Variants in BANK1 observed in about 807,000 individuals in gnomAD.
The protein encoded by BANK1 is B-cell scaffold protein with ankyrin repeats.
BANK1 carries 95 observed loss-of-function variants against 94.5 expected under a neutral mutation model. The ratio of observed to expected loss-of-function variants is 1.00; its 90% CI spans 0.85 to 1.19. The LOEUF (loss-of-function observed/expected upper bound fraction) is 1.19, where lower values mean the gene tolerates loss of function less well. BANK1 is among the 50% of genes most tolerant of loss of function. BANK1 has a pLI of 0.00. For missense variants in BANK1, 987 were observed against 932.2 expected, an observed-to-expected ratio of 1.06 and a Z score of -0.77; for synonymous variants, 334 against 308.4, an observed-to-expected ratio of 1.08 and a Z score of -0.87.
chr4:102,031,900 T>G (rs2148951407), intron 10 of BANK1, among the ~76,000 whole-genome samples: 1 of 152,360 alleles, frequency 6.6e-6, no homozygotes. Context: ...AAAATACACT[T>G]ATTTAATGAT....
chr4:102,061,538 G>T (rs538174324), intron 12 of BANK1: 1 of 152,330 alleles, frequency 6.6e-6, no homozygotes, highest in South Asian at 2.1e-4. Flanking sequence ...ATACACATGT[G>T]TTTAGGTGCA....
intron 7 of BANK1, among the ~76,000 whole-genome samples, chr4:102,015,760 A>G (rs1726677275): frequency 6.6e-6 from 1 of 152,114 alleles, no homozygotes; most frequent in Non-Finnish European, 1.5e-5. Flanking sequence ...GTTATTTCTT[A>G]TATTTGCATT....
chr4:102,006,214 A>G (rs1046733786), intron 7 of BANK1, among the ~76,000 whole-genome samples: 3 of 152,060 alleles, frequency 2.0e-5, no homozygotes, highest in African/African-American at 7.2e-5. Context: ...GTTCATCATC[A>G]GTCATCAGGA....
At chr4:101,892,804 A>G (rs1423289613) in intron 5 of BANK1, among the ~76,000 whole-genome samples, 1 of 151,966 alleles carries the variant, frequency 6.6e-6, no homozygotes, top group African/African-American at 2.4e-5. Context: ...AATTTATGTC[A>G]TTTTAAAATT....
intron 2 of BANK1, among the ~76,000 whole-genome samples, chr4:101,847,904 C>CA (rs1413533303): frequency 6.6e-6 from 1 of 152,128 alleles, no homozygotes; most frequent in Non-Finnish European, 1.5e-5. Flanking sequence ...CAAATTGTTA[C>CA]AAAGTTCAGC....
intron 1 of BANK1, among the ~76,000 whole-genome samples, chr4:101,826,659 A>G (rs1399216809): frequency 6.6e-6 from 1 of 151,998 alleles, no homozygotes; most frequent in East Asian, 1.9e-4. Flanking sequence ...CATCCAGGCT[A>G]GATGAGATAC....
At chr4:101,933,318 A>G (rs1723421400) in intron 7 of BANK1, among the ~76,000 whole-genome samples, 1 of 151,128 alleles carries the variant, frequency 6.6e-6, no homozygotes, top group East Asian at 2.0e-4. Context: ...AGGAGAAAAA[A>G]AAAAAAAAAA....
intron 5 of BANK1, among the ~76,000 whole-genome samples, chr4:101,875,132 G>A (rs1728439624): frequency 6.6e-6 from 1 of 152,136 alleles, no homozygotes; most frequent in African/African-American, 2.4e-5. Context: ...CACTGAAAGA[G>A]GCACTGAAGA....
chr4:101,979,115 AT>A (rs1239176405), intron 7 of BANK1, among the ~76,000 whole-genome samples: 1 of 152,034 alleles, frequency 6.6e-6, no homozygotes, highest in African/African-American at 2.4e-5. Flanking sequence ...AAGATCCAAT[AT>A]ACCTGTGAAA....
intron 2 of BANK1, among the ~76,000 whole-genome samples, chr4:101,850,438 AT>A (rs33966973): frequency 0.11 from 15,844 of 143,242 alleles, 1,395 homozygotes; most frequent in African/African-American, 0.25. Flanking sequence ...CACCCAACTA[AT>A]TTTTTTTTTT....
At chr4:101,982,755 C>T (rs189536952) in intron 7 of BANK1, among the ~76,000 whole-genome samples, 1 of 151,966 alleles carries the variant, frequency 6.6e-6, no homozygotes, top group East Asian at 1.9e-4. Flanking sequence ...TATCATATTT[C>T]ATTCCATTGA....
In BANK1 at chr4:101,917,596, A is replaced by G. The variant is rs1722869425; in HGVS notation, c.1010-397A>G. ...AACTTTGGAAGGAAGCAAACTAGGC[A>G]AGGAGGTAGAATATAAAATTATTTT... On this transcript the variant is annotated intron_variant, in intron 6 of 16. Transcript: ENST00000322953. 2.6e-5 allele frequency among the ~76,000 whole-genome samples: 4 copies of G among 151,942 alleles called. No homozygotes were observed. The South Asian group carries it at 8.3e-4, about 31-fold the overall frequency.
At chr4:101,922,009 CGTGTGTGTGTGTGTGTGTGTGTGTGTGT>C (rs68027862) in intron 7 of BANK1, among the ~76,000 whole-genome samples, 11 of 129,366 alleles carry the variant, frequency 8.5e-5, no homozygotes, top group Admixed American at 7.8e-4. Context: ...ACACTGGGCC[CGTGTGTGTGTGTGTGTGTGTGTGTGTGT>C]GTGTGTGTGT....
intron 1 of BANK1, among the ~76,000 whole-genome samples, chr4:101,798,757 T>G (rs972369672): frequency 6.6e-6 from 1 of 152,232 alleles, no homozygotes; most frequent in African/African-American, 2.4e-5. Context: ...CATAAATGTA[T>G]TCTTTTGAGA....
At chr4:101,878,027 A>G (rs1297270045) in intron 5 of BANK1, among the ~76,000 whole-genome samples, 3 of 152,234 alleles carry the variant, frequency 2.0e-5, no homozygotes, top group African/African-American at 7.2e-5. Flanking sequence ...GAAGAGAGAC[A>G]AAAAGAAAGA....
At chr4:101,824,916 G>A (rs941312018) in intron 1 of BANK1, among the ~76,000 whole-genome samples, 5 of 152,058 alleles carry the variant, frequency 3.3e-5, no homozygotes, top group African/African-American at 1.2e-4. Flanking sequence ...TCTGGTTTTG[G>A]TGGAAAAGCA....
In BANK1 at chr4:102,025,525, G is replaced by GA. The variant is rs760612659; in HGVS notation, c.1594+23dup. The GA allele has an allele frequency of 2.5e-5, 40 of 1,606,544 alleles. No individual in the cohort carries two copies. Among genetic ancestry groups the GA allele is most frequent in the Non-Finnish European group, 3.0e-5 (35 of 1,176,808 alleles). Reference sequence around the variant, plus strand: ...ACCTTACCAGGTAAGTTTAAGGTTAGAAAAAAACAAAACAAAACAAAGACA... The same window carrying GA: ...ACCTTACCAGGTAAGTTTAAGGTTAGAAAAAAAACAAAACAAAACAAAGACA... On this transcript the variant is annotated intron_variant, in intron 9 of 16. Coordinates refer to ENST00000322953, the MANE Select transcript of BANK1 (RefSeq NM_017935.5).
At chr4:101,813,646 C>G (rs73836604) in intron 1 of BANK1, among the ~76,000 whole-genome samples, 1 of 152,318 alleles carries the variant, frequency 6.6e-6, no homozygotes, top group Non-Finnish European at 1.5e-5. Flanking sequence ...GAAATGTAGT[C>G]GTGACCAAGT....
At chr4:101,817,699 TA>T (rs5860695) in intron 1 of BANK1, among the ~76,000 whole-genome samples, 45,650 of 151,816 alleles carry the variant, frequency 0.3, 6,926 homozygotes, top group African/African-American at 0.34. Flanking sequence ...AAGTTGGAAA[TA>T]AAAAAAATTG....
Sources: allele counts gnomAD v4.1 joint callset (sites outside exome capture counted in the v4.1 genomes callset), GRCh38; gene constraint gnomAD v4.1.1; transcripts MANE v1.5; gene names NCBI Gene and HGNC (gene_info 2026-07-23, HGNC 2026-07-21).